Variants in VDAC2 observed in about 807,000 individuals in gnomAD.
VDAC2 encodes the protein voltage dependent anion channel 2.
Under a neutral mutation model 36.6 loss-of-function variants are expected in VDAC2, and 6 were observed. The ratio of observed to expected loss-of-function variants is 0.16; its 90% CI spans 0.09 to 0.32. The LOEUF is 0.32. VDAC2 is among the 10% of genes least tolerant of loss of function. The pLI is 1.00. For synonymous variants in VDAC2, 109 were observed against 123.8 expected (o/e 0.88, Z 0.79); for missense variants, 247 against 346.0 (o/e 0.71, Z 2.27).
chr10:75,226,036 G>T (rs1350729034), intron 8 of VDAC2, among the ~76,000 whole-genome samples: 1 of 151,934 alleles, frequency 6.6e-6, no homozygotes, highest in African/African-American at 2.4e-5. Context: ...CTGGTAATCC[G>T]CCCGCCTCAG....
At chr10:75,211,295 GGCT>G in intron 2 of VDAC2, 106 bp downstream of exon 2, 1 of 1,499,664 alleles carries the variant, frequency 6.7e-7, no homozygotes, top group South Asian at 1.2e-5. Context: ...TTGGAAATTC[GGCT>G]GCTTTTGGTG....
chr10:75,226,752 G>C (rs1417368263), intron 8 of VDAC2, among the ~76,000 whole-genome samples: 1 of 152,130 alleles, frequency 6.6e-6, no homozygotes, highest in African/African-American at 2.4e-5. Flanking sequence ...ACGAGCCACT[G>C]CGCCCTGGGC....
At chr10:75,230,281 A>G (rs1286306618) in intron 9 of VDAC2, among the ~76,000 whole-genome samples, 1 of 152,246 alleles carries the variant, frequency 6.6e-6, no homozygotes, top group East Asian at 1.9e-4. Context: ...GAAGAATGGT[A>G]CAATGAACAT....
At chr10:75,210,283 G>A (rs965158364), upstream of VDAC2, 1 of 152,622 alleles carries the variant, frequency 6.6e-6, no homozygotes, top group Non-Finnish European at 1.5e-5. Context: ...TTCTCCCTGG[G>A]CTGGGAAAGA....
intron 6 of VDAC2, among the ~76,000 whole-genome samples, chr10:75,219,684 C>G (rs906660026): frequency 2.0e-5 from 3 of 150,932 alleles, no homozygotes; most frequent in African/African-American, 7.3e-5. Flanking sequence ...GGGGTTTCGC[C>G]ATGTTGGCCA....
At chr10:75,213,706 T>A (rs535360949) in intron 3 of VDAC2, among the ~76,000 whole-genome samples, 40 of 152,266 alleles carry the variant, frequency 2.6e-4, no homozygotes, top group Non-Finnish European at 5.1e-4. Flanking sequence ...ATCGTGCCAC[T>A]GCACTCCAGC....
intron 4 of VDAC2, among the ~76,000 whole-genome samples, chr10:75,214,969 A>C (rs780363102): frequency 2.6e-4 from 40 of 152,208 alleles, no homozygotes; most frequent in Non-Finnish European, 4.1e-4. Flanking sequence ...CAGTGAGTGC[A>C]GTGGCACAAT....
intron 3 of VDAC2, 104 bp from the exon 4 acceptor site, chr10:75,213,917 C>T (rs1039994562): frequency 2.7e-6 from 3 of 1,112,384 alleles, no homozygotes; most frequent in Non-Finnish European, 4.0e-6. Flanking sequence ...TTATCCACCT[C>T]TGAATATGTG....
At position 75,220,656 on chromosome 10, in the gene VDAC2, T is replaced by G. The variant is rs955637194; in HGVS notation, c.357-87T>G. ...GCTGATTTTTACTCCCTGGTCATACTGCAGTTTATTTAAGTCTGTTTTGTG... is the reference window on the plus strand; with the variant it reads ...GCTGATTTTTACTCCCTGGTCATACGGCAGTTTATTTAAGTCTGTTTTGTG... On this transcript the variant is annotated intron_variant, in intron 6 of 9. Transcript: ENST00000332211. The G allele has an allele frequency of 1.7e-5, 19 of 1,123,518 alleles. No homozygotes were observed. The East Asian group carries it at 4.3e-4, about 26-fold the overall frequency. 69.6% of individuals were successfully genotyped at this position (1,123,518 alleles called of 1,614,324 possible). A position where few individuals can be genotyped will look rare whatever the true frequency, so the allele number is the denominator to read the frequency against.
intron 2 of VDAC2, 92 bp downstream of exon 2, chr10:75,211,281 G>T: frequency 6.5e-7 from 1 of 1,533,966 alleles, no homozygotes; most frequent in African/African-American, 1.4e-5. Context: ...ATCTTTCCAA[G>T]AACTTGGAAA....
At chr10:75,219,588 A>T (rs1841738944) in intron 6 of VDAC2, among the ~76,000 whole-genome samples, 1 of 151,950 alleles carries the variant, frequency 6.6e-6, no homozygotes. Flanking sequence ...GGTTCAAGCG[A>T]TTCTTCTGCC....
At chr10:75,220,601 GCTGA>G in intron 6 of VDAC2, 138 bp from the exon 7 acceptor site, 1 of 669,798 alleles carries the variant, frequency 1.5e-6, no homozygotes, top group Non-Finnish European at 2.6e-6. Context: ...AGTTCATTGA[GCTGA>G]CTTTTTTACT....
In VDAC2 at chr10:75,221,063, A is replaced by G. The variant is rs1841799571; in HGVS notation, c.584+93A>G. 3.1e-6 allele frequency: 4 copies of G among 1,288,974 alleles called. No individual in the cohort carries two copies. In the African/African-American group the frequency reaches 5.9e-5, roughly 19 times the overall value. The allele number at this position is 1,288,974 out of a possible 1,614,324, so 79.8% of individuals were successfully genotyped here. On this transcript the variant is annotated intron_variant, in intron 7 of 9. Coordinates refer to ENST00000332211, the MANE Select transcript of VDAC2 (RefSeq NM_001391963.1). ...TATTGATCTGGGTGCACCCTAAAGGATTTCTCATAACATTTAAAAACAAAA... is the reference window on the plus strand; with the variant it reads ...TATTGATCTGGGTGCACCCTAAAGGGTTTCTCATAACATTTAAAAACAAAA...
chr10:75,224,350 T>C (rs1841897733), intron 8 of VDAC2, among the ~76,000 whole-genome samples: 1 of 152,210 alleles, frequency 6.6e-6, no homozygotes, highest in African/African-American at 2.4e-5. Flanking sequence ...GTTGGTTTTT[T>C]TCTGTATCCT....
At chr10:75,218,107 C>T (rs1027061157) in intron 4 of VDAC2, 6 of 369,252 alleles carry the variant, frequency 1.6e-5, no homozygotes, top group Non-Finnish European at 2.6e-5. Context: ...AAAAAAAATT[C>T]AGATAAGCCC....
chr10:75,219,685 A>T (rs1315949018), intron 6 of VDAC2, among the ~76,000 whole-genome samples: 1 of 148,276 alleles, frequency 6.7e-6, no homozygotes, highest in African/African-American at 2.5e-5. Flanking sequence ...GGGTTTCGCC[A>T]TGTTGGCCAG....
At chr10:75,215,071 G>A (rs1841557488) in intron 4 of VDAC2, among the ~76,000 whole-genome samples, 1 of 151,852 alleles carries the variant, frequency 6.6e-6, no homozygotes, top group South Asian at 2.1e-4. Context: ...TATCCATCAT[G>A]CCTGAGTATT....
In VDAC2 at chr10:75,220,860, G is replaced by C. The variant is rs1841792219; in HGVS notation, c.474G>C (p.Glu158Asp). Reference sequence around the variant, plus strand: ...ATGGTTCAGCTGTCTTTGGTTATGAGGGCTGGCTTGCTGGCTACCAGATGA... The same window carrying C: ...ATGGTTCAGCTGTCTTTGGTTATGACGGCTGGCTTGCTGGCTACCAGATGA... ...AIHGSAVFGYEGWLAGYQMTF... is the reference protein window; with the variant it reads ...AIHGSAVFGYDGWLAGYQMTF... The change falls in exon 7 of 10, where the codon GAG becomes GAC. Residue 158 changes from glutamate to aspartate, a missense_variant. Around this residue, in one of 3 missense-constraint regions of VDAC2, gnomAD observed 159 missense variants for 234.0 expected, o/e 0.68. Coordinates refer to ENST00000332211, the MANE Select transcript of VDAC2 (RefSeq NM_001391963.1). The C allele has an allele frequency of 1.9e-6, 3 of 1,613,578 alleles. No homozygotes were observed. The highest frequency in any genetic ancestry group is 2.7e-5 in the African/African-American group (2 of 75,030).
At position 75,230,858 on chromosome 10, in the gene VDAC2, C is replaced by CAT. The variant is rs755415727; in HGVS notation, c.794-39_794-38dup. ...CCCAGACTGAGTGACGTGCCAGGTA[C>CAT]ATCACGGTTTTTTGTTTTTGTGTTT... is the stretch of plus-strand genomic sequence containing the variant. On this transcript the variant is annotated intron_variant, in intron 9 of 9. Coordinates refer to ENST00000332211, the MANE Select transcript of VDAC2 (RefSeq NM_001391963.1). The CAT allele has an allele frequency of 2.6e-6, 4 of 1,563,362 alleles. No individual in the cohort carries two copies. The South Asian group carries it at 4.5e-5, about 18-fold the overall frequency.
Sources: allele counts gnomAD v4.1 joint callset (sites outside exome capture counted in the v4.1 genomes callset), GRCh38; gene constraint gnomAD v4.1.1; regional missense constraint gnomAD v4.1.1; transcripts MANE v1.5; gene names NCBI Gene and HGNC (gene_info 2026-07-23, HGNC 2026-07-21).